NDUFAF6: variants seen among roughly 807,000 people sequenced by gnomAD.
NDUFAF6 encodes the protein NADH:ubiquinone oxidoreductase complex assembly factor 6.
NDUFAF6 carries 45 observed loss-of-function variants against 40.8 expected under a neutral mutation model. The observed-to-expected ratio is 1.10, with a 90% CI of 0.87 to 1.42. The LOEUF is 1.42. NDUFAF6 is among the 40% of genes most tolerant of loss of function. The pLI is 0.00. For missense variants in NDUFAF6, 435 were observed against 418.5 expected, an observed-to-expected ratio of 1.04 and a Z score of -0.34; for synonymous variants, 185 against 155.9, an observed-to-expected ratio of 1.19 and a Z score of -1.39.
At chr8:95,052,343 G>A in intron 8 of NDUFAF6, 113 bp downstream of exon 8, 1 of 1,159,096 alleles carries the variant, frequency 8.6e-7, no homozygotes, top group Non-Finnish European at 1.3e-6. Context: ...CTTTGTTTTT[G>A]TTTCCCTCCC....
intron 7 of NDUFAF6, among the ~76,000 whole-genome samples, chr8:95,049,323 A>G (rs1270430869): frequency 6.6e-6 from 1 of 152,048 alleles, no homozygotes; most frequent in Admixed American, 6.5e-5. Context: ...CCTGCCTGTC[A>G]CTTTAGTTGT....
intron 2 of NDUFAF6, among the ~76,000 whole-genome samples, chr8:94,947,565 G>T (rs975131163): frequency 2.0e-5 from 3 of 152,134 alleles, no homozygotes; most frequent in African/African-American, 7.2e-5. Context: ...ATTTAAAATG[G>T]ATTTTGAACT....
chr8:95,078,000 C>G (rs1045193473), downstream of NDUFAF6, among the ~76,000 whole-genome samples: 1 of 151,912 alleles, frequency 6.6e-6, no homozygotes, highest in African/African-American at 2.4e-5. Context: ...AAGCTGAGAG[C>G]CGCGGAAGGA....
chr8:94,985,576 C>A lies in NDUFAF6; in HGVS notation c.-84+4603C>A, dbSNP rs548906765. 2.1e-4 allele frequency among the ~76,000 whole-genome samples: 24 copies of A among 113,806 alleles called. No homozygotes were observed. In the South Asian group the frequency reaches 2.2e-3, roughly 10 times the overall value. 74.7% of individuals were successfully genotyped at this position (113,806 alleles called of 152,430 possible). A position where few individuals can be genotyped will look rare whatever the true frequency, so the allele number is the denominator to read the frequency against. On this transcript the variant is annotated intron_variant, in intron 2 of 9. Coordinates refer to the NDUFAF6 transcript ENST00000396111. Reference sequence around the variant, plus strand: ...TCTGAGACAGAATCTCACTCTGTCGCCCAGGCTGGAGTGCAATGGTGCAAT... The same window carrying A: ...TCTGAGACAGAATCTCACTCTGTCGACCAGGCTGGAGTGCAATGGTGCAAT...
At chr8:95,064,804 G>A (rs1286394029) in intron 9 of NDUFAF6, among the ~76,000 whole-genome samples, 1 of 152,100 alleles carries the variant, frequency 6.6e-6, no homozygotes, top group Admixed American at 6.6e-5. Context: ...CTCATACGCT[G>A]GGGGAAGGAA....
At chr8:95,001,867 C>T (rs935725232) in intron 2 of NDUFAF6, among the ~76,000 whole-genome samples, 1 of 152,230 alleles carries the variant, frequency 6.6e-6, no homozygotes, top group African/African-American at 2.4e-5. Flanking sequence ...CCTTGAGGGC[C>T]TCAAAGTTGA....
intron 1 of NDUFAF6, among the ~76,000 whole-genome samples, chr8:95,031,474 A>G (rs181687347): frequency 6.6e-6 from 1 of 152,262 alleles, no homozygotes. Flanking sequence ...AGTTAAAATT[A>G]TAAGTACTAC....
At chr8:95,016,960 G>T (rs370143474) in intron 2 of NDUFAF6, among the ~76,000 whole-genome samples, 2 of 136,084 alleles carry the variant, frequency 1.5e-5, no homozygotes, top group Non-Finnish European at 3.1e-5. Flanking sequence ...TTGAGACAGG[G>T]TCTTGCTCTG....
At chr8:94,906,075 G>T (rs560283949) in intron 1 of NDUFAF6, among the ~76,000 whole-genome samples, 1 of 152,236 alleles carries the variant, frequency 6.6e-6, no homozygotes, top group East Asian at 1.9e-4. Flanking sequence ...CATCTCACAC[G>T]TGCACGTGAA....
At chr8:94,956,020 A>G (rs1169171848), upstream of NDUFAF6, among the ~76,000 whole-genome samples, 2 of 152,210 alleles carry the variant, frequency 1.3e-5, no homozygotes, top group Admixed American at 6.5e-5. Context: ...AAGCAGCTGA[A>G]TCAGCTGAAT....
At chr8:94,903,020 A>T (rs1818129777) in intron 1 of NDUFAF6, among the ~76,000 whole-genome samples, 1 of 152,088 alleles carries the variant, frequency 6.6e-6, no homozygotes, top group Non-Finnish European at 1.5e-5. Flanking sequence ...TTTCTTTTGA[A>T]CATATACCTA....
intron 3 of NDUFAF6, chr8:95,040,943 C>T (rs771073720): frequency 6.6e-6 from 1 of 152,286 alleles, no homozygotes; most frequent in African/African-American, 2.4e-5. Flanking sequence ...CTCTTTCCTA[C>T]TGGAGTGTCT....
At chr8:95,041,788 C>G (rs1337108782) in intron 4 of NDUFAF6, among the ~76,000 whole-genome samples, 162 bp downstream of exon 4, 2 of 152,136 alleles carry the variant, frequency 1.3e-5, no homozygotes, top group African/African-American at 2.4e-5. Context: ...CATGCTACCC[C>G]CCATACCCTC....
intron 1 of NDUFAF6, among the ~76,000 whole-genome samples, chr8:94,907,657 C>G (rs1818479920): frequency 6.6e-6 from 1 of 152,214 alleles, no homozygotes; most frequent in Non-Finnish European, 1.5e-5. Context: ...TTCATCATGC[C>G]TTCAGTTCTG....
intron 1 of NDUFAF6, among the ~76,000 whole-genome samples, chr8:94,919,267 G>C (rs780970859): frequency 6.6e-6 from 1 of 152,054 alleles, no homozygotes; most frequent in Non-Finnish European, 1.5e-5. Context: ...CTTCAGCCTT[G>C]ATCTCGCAGG....
At chr8:95,033,736 A>C (rs1330739575) in intron 2 of NDUFAF6, among the ~76,000 whole-genome samples, 2 of 152,178 alleles carry the variant, frequency 1.3e-5, no homozygotes, top group Admixed American at 6.5e-5. Flanking sequence ...TGAGGGAGTG[A>C]GCTGTACAGA....
intron 1 of NDUFAF6, chr8:94,930,269 G>C (rs1820260243): frequency 1.7e-6 from 1 of 595,654 alleles, no homozygotes; most frequent in Non-Finnish European, 2.8e-6. Context: ...ATCTGAAAAA[G>C]TGTACAAAAA....
chr8:94,962,954 C>T (rs1238536032), intron 1 of NDUFAF6, among the ~76,000 whole-genome samples: 1 of 152,002 alleles, frequency 6.6e-6, no homozygotes, highest in Non-Finnish European at 1.5e-5. Flanking sequence ...TCACGCCCAT[C>T]TAATTTTTGT....
At chr8:95,050,715 G>A (rs1156805450) in intron 7 of NDUFAF6, among the ~76,000 whole-genome samples, 1 of 152,152 alleles carries the variant, frequency 6.6e-6, no homozygotes, top group African/African-American at 2.4e-5. Context: ...GAGTTTAGAG[G>A]TTGGGTGATC....
Sources: gnomAD v4.1 joint callset for allele counts (sites outside exome capture counted in the v4.1 genomes callset) on GRCh38, gnomAD v4.1.1 for gene constraint, MANE v1.5 for transcripts, NCBI Gene and HGNC (gene_info 2026-07-23, HGNC 2026-07-21) for gene names.